Variants in SNAP29 observed in about 807,000 individuals in gnomAD.
SNAP29 encodes synaptosomal-associated protein 29.
Under a neutral mutation model 27.9 loss-of-function variants are expected in SNAP29, and 13 were observed. The ratio of observed to expected loss-of-function variants is 0.47; its 90% CI spans 0.30 to 0.74. The LOEUF is 0.74. Ranked by LOEUF, SNAP29 falls within the 30% of genes least tolerant of loss-of-function variation. The probability of loss-of-function intolerance (pLI) is 0.06; values close to 1 mark genes in which losing one functional copy is unlikely to be tolerated. For synonymous variants in SNAP29, 119 were observed against 127.1 expected (o/e 0.94, Z 0.43); for missense variants, 368 against 336.5 (o/e 1.09, Z -0.73).
rs1432190615 is a variant in SNAP29 at position 20,883,486 on chromosome 22, G to T, written c.536G>T (p.Gly179Val). ...CTAAACTTAGACCCTGTCCCCAGAG[G>T]GGCTGGTTCTGCCATGAGTACTGAT... ...KLDDTDPVPR[G>V]AGSAMSTDAY... Residue 179 changes from glycine to valine, a missense_variant, in exon 4 of 5, where the codon GGG becomes GTG. By Grantham distance (109) the Gly-to-Val change is moderately radical (BLOSUM62 -3). Transcript: ENST00000215730. 1 of 1,612,240 alleles carries T rather than the reference G, an allele frequency of 6.2e-7. No individual in the cohort carries two copies.
At chr22:20,872,218 T>C (rs976611921) in intron 2 of SNAP29, among the ~76,000 whole-genome samples, 12 of 143,158 alleles carry the variant, frequency 8.4e-5, no homozygotes, top group East Asian at 1.9e-4. Flanking sequence ...CTCTCTCTCT[T>C]TTATTTATTT....
intron 2 of SNAP29, chr22:20,870,798 C>T (rs776857784): frequency 2.8e-5 from 15 of 537,422 alleles, no homozygotes; most frequent in African/African-American, 7.6e-5. Context: ...TTCACCTCAG[C>T]GTAATCTGTA....
In SNAP29 at chr22:20,859,309, A is replaced by G. The variant is rs1198217173; in HGVS notation, c.199A>G (p.Met67Val). 4 of 1,613,280 alleles carry G rather than the reference A, an allele frequency of 2.5e-6. No homozygotes were observed. The South Asian group carries it at 4.4e-5, about 18-fold the overall frequency. ...CAGCACCAGCAGGTCCCTGGCCCTCATGTACGAGTCCGAGAAGGTTGGGGT... is the reference window on the plus strand; with the variant it reads ...CAGCACCAGCAGGTCCCTGGCCCTCGTGTACGAGTCCGAGAAGGTTGGGGT... ...AASTSRSLAL[M>V]YESEKVGVAS... Residue 67 changes from methionine (M) to valine (V), a missense_variant, in exon 1 of 5, where the codon ATG becomes GTG. By Grantham distance (21) the Met-to-Val change is conservative. Coordinates refer to ENST00000215730, the MANE Select transcript of SNAP29 (RefSeq NM_004782.4).
In SNAP29 at chr22:20,859,039, G is replaced by C; in HGVS notation, c.-72G>C. The stretch of plus-strand genomic sequence containing the variant: ...CGACGACCGCGGGGTCGGCGGGCGG[G>C]GCGAGGCCCTGGACGGCGGCGGCAG... On this transcript the variant is annotated 5_prime_UTR_variant, in exon 1 of 5. Coordinates refer to ENST00000215730, the MANE Select transcript of SNAP29 (RefSeq NM_004782.4). The C allele has an allele frequency of 7.0e-7, 1 of 1,429,446 alleles. No individual in the cohort carries two copies. The highest frequency in any genetic ancestry group is 9.7e-7 in the Non-Finnish European group (1 of 1,035,030). 88.5% of individuals were successfully genotyped at this position (1,429,446 alleles called of 1,614,324 possible).
chr22:20,883,442 G>T (rs374153729), intron 3 of SNAP29, 29 bp from the exon 4 acceptor site: 2 of 1,373,040 alleles, frequency 1.5e-6, no homozygotes, highest in Non-Finnish European at 2.1e-6. Flanking sequence ...TCAATTAACC[G>T]CTCTCCTGGT....
At chr22:20,859,377 C>A in intron 1 of SNAP29, 30 bp downstream of exon 1, 1 of 1,446,376 alleles carries the variant, frequency 6.9e-7, no homozygotes, top group Non-Finnish European at 9.7e-7. Flanking sequence ...GGTGTGGACT[C>A]GCCGGTCTCT....
At chr22:20,865,584 GT>G (rs1928439097) in intron 1 of SNAP29, among the ~76,000 whole-genome samples, 1 of 152,164 alleles carries the variant, frequency 6.6e-6, no homozygotes. Flanking sequence ...CCTCTGAGGT[GT>G]TCTTAGAGTG....
chr22:20,886,126 T>TTA (rs397832152), intron 4 of SNAP29, among the ~76,000 whole-genome samples: 47 of 147,640 alleles, frequency 3.2e-4, no homozygotes, highest in Non-Finnish European at 6.5e-4. Context: ...TTTTTTTTTT[T>TTA]AATTTTAATT....
intron 2 of SNAP29, among the ~76,000 whole-genome samples, chr22:20,880,591 G>T (rs562344553): frequency 6.6e-6 from 1 of 152,206 alleles, no homozygotes; most frequent in Non-Finnish European, 1.5e-5. Flanking sequence ...GCTGACTGTA[G>T]TCTAAAGTAC....
chr22:20,862,492 G>T (rs1928349096), intron 1 of SNAP29, among the ~76,000 whole-genome samples: 1 of 152,194 alleles, frequency 6.6e-6, no homozygotes, highest in African/African-American at 2.4e-5. Flanking sequence ...GAGGACAGGG[G>T]ATGGAGGAGG....
intron 2 of SNAP29, among the ~76,000 whole-genome samples, chr22:20,876,332 A>G (rs539544031): frequency 1.4e-5 from 2 of 138,490 alleles, no homozygotes; most frequent in Non-Finnish European, 3.0e-5. Flanking sequence ...GTCTCTGCTC[A>G]CTGTATCCTC....
At chr22:20,864,664 T>G (rs144522112) in intron 1 of SNAP29, among the ~76,000 whole-genome samples, 1 of 152,200 alleles carries the variant, frequency 6.6e-6, no homozygotes, top group African/African-American at 2.4e-5. Context: ...TTCCTCAAAT[T>G]TGTAAATGTC....
intron 4 of SNAP29, among the ~76,000 whole-genome samples, chr22:20,884,823 T>G (rs1412367133): frequency 6.6e-6 from 1 of 152,224 alleles, no homozygotes; most frequent in Non-Finnish European, 1.5e-5. Flanking sequence ...TTGCCCAGGC[T>G]GCAGTGCAAT....
chr22:20,885,629 T>A (rs1347111877), intron 4 of SNAP29, among the ~76,000 whole-genome samples: 2 of 152,152 alleles, frequency 1.3e-5, no homozygotes, highest in African/African-American at 4.8e-5. Context: ...GGATACTGCA[T>A]TCAGAGGCAG....
chr22:20,863,187 T>A (rs1465697800), intron 1 of SNAP29, among the ~76,000 whole-genome samples: 1 of 152,186 alleles, frequency 6.6e-6, no homozygotes, highest in Non-Finnish European at 1.5e-5. Context: ...TTTGAATCAC[T>A]CTAATCACTC....
chr22:20,878,735 G>A (rs1222867180), intron 2 of SNAP29, among the ~76,000 whole-genome samples: 4 of 152,178 alleles, frequency 2.6e-5, no homozygotes, highest in South Asian at 2.1e-4. Context: ...ATTGGCTGGC[G>A]AAGTGGTCAG....
chr22:20,869,924 C>A (rs1372028640), intron 1 of SNAP29, among the ~76,000 whole-genome samples: 3 of 152,132 alleles, frequency 2.0e-5, no homozygotes, highest in African/African-American at 7.2e-5. Context: ...GTGCCCGCCA[C>A]AACACCTGGC....
chr22:20,884,712 T>G (rs773312871), intron 4 of SNAP29, among the ~76,000 whole-genome samples: 9 of 152,200 alleles, frequency 5.9e-5, no homozygotes, highest in Non-Finnish European at 1.2e-4. Context: ...TGGGAGTGTT[T>G]CCATTTTGTC....
At chr22:20,861,556 A>G (rs895632102) in intron 1 of SNAP29, among the ~76,000 whole-genome samples, 47 of 151,602 alleles carry the variant, frequency 3.1e-4, no homozygotes, top group African/African-American at 1.0e-3. Flanking sequence ...TCCTGCCTCA[A>G]CCTCCCAAGT....
Sources: allele counts gnomAD v4.1 joint callset (sites outside exome capture counted in the v4.1 genomes callset), GRCh38; gene constraint gnomAD v4.1.1; transcripts MANE v1.5; gene names NCBI Gene and HGNC (gene_info 2026-07-23, HGNC 2026-07-21).